PCDHA5: variants seen among roughly 807,000 people sequenced by gnomAD.
PCDHA5 encodes protocadherin alpha-5.
PCDHA5 carries 43 observed loss-of-function variants against 61.6 expected under a neutral mutation model. That is an observed-to-expected ratio of 0.70 (90% CI 0.55 to 0.90). The LOEUF is 0.90. PCDHA5 is among the 40% of genes least tolerant of loss of function. The pLI, the probability that PCDHA5 is intolerant of heterozygous loss-of-function variation, is 0.00. For missense variants in PCDHA5, 1,298 were observed against 1,222.7 expected, an observed-to-expected ratio of 1.06 and a Z score of -0.92; for synonymous variants, 627 against 543.9, an observed-to-expected ratio of 1.15 and a Z score of -2.13.
Position 141,009,792 on chromosome 5 carries a change from C to T in PCDHA5, c.2666C>T (p.Pro889Leu). Residue 889 changes from proline (P) to leucine (L), a missense_variant, in exon 4 of 4, where the codon CCT (proline) becomes CTT (leucine). Physicochemically the swap from Pro to Leu is moderately conservative, Grantham distance 98. Transcript: ENST00000529859. ...GCAATCATCTCCATCCGGCAGGAGC[C>T]TACTAACAGCCAAATTGACAAAAGT... ...SPAIISIRQEPTNSQIDKSDF... is the reference protein window; with the variant it reads ...SPAIISIRQELTNSQIDKSDF... 1 of 1,614,068 alleles carries T rather than the reference C, an allele frequency of 6.2e-7. No individual in the cohort carries two copies. The highest frequency in any genetic ancestry group is 8.5e-7 in the Non-Finnish European group (1 of 1,180,026).
At chr5:140,959,259 C>G (rs781794121) in intron 1 of PCDHA5, among the ~76,000 whole-genome samples, 1 of 152,040 alleles carries the variant, frequency 6.6e-6, no homozygotes, top group African/African-American at 2.4e-5. Context: ...TGACTGTAGT[C>G]CCAGCTACCC....
chr5:140,967,740 A>G, intron 1 of PCDHA5: 6 of 1,614,170 alleles, frequency 3.7e-6, no homozygotes, highest in Non-Finnish European at 5.1e-6. Flanking sequence ...GGGCTGGATT[A>G]TGAGGAAGCC....
At chr5:140,993,468 A>G (rs1327306188) in intron 3 of PCDHA5, among the ~76,000 whole-genome samples, 1 of 69,412 alleles carries the variant, frequency 1.4e-5, no homozygotes, top group African/African-American at 5.6e-5. Context: ...TTTCTCACAC[A>G]CACACACACA....
chr5:140,829,652 C>CA, intron 1 of PCDHA5: 1 of 1,612,488 alleles, frequency 6.2e-7, no homozygotes, highest in Non-Finnish European at 8.5e-7. Context: ...GTACGCGCTG[C>CA]AGCCGCTGGA....
chr5:140,842,539 G>C lies in PCDHA5; in HGVS notation c.2352+18412G>C, dbSNP rs182995378. Reference sequence around the variant, plus strand: ...TGTCCACCTTCAAGAATTACTACTCGTTGGTGCTGGACAGCGCCCTGGACC... The same window carrying C: ...TGTCCACCTTCAAGAATTACTACTCCTTGGTGCTGGACAGCGCCCTGGACC... On this transcript the variant is annotated intron_variant, in intron 1 of 3. Coordinates refer to ENST00000529859, the MANE Select transcript of PCDHA5 (RefSeq NM_018908.3). 2.7e-5 allele frequency: 43 copies of C among 1,610,552 alleles called. 1 individual carries two copies. In the East Asian group the frequency reaches 8.7e-4, roughly 33 times the overall value.
intron 1 of PCDHA5, among the ~76,000 whole-genome samples, chr5:140,914,901 G>A (rs2076874560): frequency 6.8e-6 from 1 of 147,044 alleles, no homozygotes; most frequent in African/African-American, 2.5e-5. Flanking sequence ...TTAACTTTGT[G>A]TTGTTTCTCT....
At chr5:140,866,463 T>C (rs1372484700) in intron 1 of PCDHA5, 1 of 152,128 alleles carries the variant, frequency 6.6e-6, no homozygotes, top group Non-Finnish European at 1.5e-5. Flanking sequence ...GCTGGGAAGC[T>C]CATAACAACT....
chr5:140,853,345 C>A, intron 1 of PCDHA5: 2 of 982,280 alleles, frequency 2.0e-6, no homozygotes, highest in Non-Finnish European at 2.5e-6. Context: ...CATTAGCAAA[C>A]ATGAACTCAC....
intron 1 of PCDHA5, chr5:140,875,493 A>T: frequency 6.2e-7 from 1 of 1,612,928 alleles, no homozygotes; most frequent in South Asian, 1.1e-5. Flanking sequence ...TCGGACCAAG[A>T]GGCCCGGGAT....
chr5:140,892,158 T>A (rs1442080527), intron 1 of PCDHA5, among the ~76,000 whole-genome samples: 2 of 152,242 alleles, frequency 1.3e-5, no homozygotes, highest in Non-Finnish European at 2.9e-5. Context: ...ATTTCTGATA[T>A]GTCCAGTAAC....
chr5:140,995,047 C>G (rs1174630120), intron 3 of PCDHA5, among the ~76,000 whole-genome samples: 2 of 152,158 alleles, frequency 1.3e-5, no homozygotes, highest in Admixed American at 1.3e-4. Context: ...CTTAACTCTA[C>G]TGAATTTTCA....
chr5:140,936,941 T>C (rs547536853), intron 1 of PCDHA5, among the ~76,000 whole-genome samples: 14 of 152,342 alleles, frequency 9.2e-5, no homozygotes, highest in Non-Finnish European at 1.3e-4. Flanking sequence ...GAAAATATCT[T>C]ATTTTGATCT....
At chr5:140,929,321 C>A (rs1554206981) in intron 1 of PCDHA5, 1 of 1,541,174 alleles carries the variant, frequency 6.5e-7, no homozygotes, top group Non-Finnish European at 8.8e-7. Flanking sequence ...AATGTCAATG[C>A]CATGGTAAGC....
intron 1 of PCDHA5, chr5:140,842,263 C>CTTA (rs1777840904): frequency 6.2e-7 from 1 of 1,610,966 alleles, no homozygotes; most frequent in Non-Finnish European, 8.5e-7. Context: ...AACAAGAAAA[C>CTTA]TTATACAAAA....
intron 1 of PCDHA5, chr5:140,861,489 T>C (rs1263329401): frequency 2.0e-6 from 1 of 487,812 alleles, no homozygotes; most frequent in Non-Finnish European, 4.2e-6. Flanking sequence ...TTTTGTGAGT[T>C]CTCTGATAGA....
At chr5:140,870,941 C>A in intron 1 of PCDHA5, 1 of 1,613,712 alleles carries the variant, frequency 6.2e-7, no homozygotes, top group Non-Finnish European at 8.5e-7. Context: ...TTGCAGCCGG[C>A]GGCGGGCGGC....
At chr5:140,839,060 G>C (rs1253852063) in intron 1 of PCDHA5, among the ~76,000 whole-genome samples, 1 of 151,930 alleles carries the variant, frequency 6.6e-6, no homozygotes, top group Admixed American at 6.6e-5. Context: ...TAAGGATAGA[G>C]GTATGCAAAG....
chr5:140,837,517 T>G (rs11420784), intron 1 of PCDHA5, among the ~76,000 whole-genome samples: 2 of 28,958 alleles, frequency 6.9e-5, no homozygotes, highest in African/African-American at 3.1e-4. Context: ...AGCAGTTTAC[T>G]TTTTTTGTAT....
In PCDHA5 at chr5:140,848,293, C is replaced by T. The variant is rs2150408206; in HGVS notation, c.2352+24166C>T. On this transcript the variant is annotated intron_variant, in intron 1 of 3. Transcript: ENST00000529859. ...TGAAATATGTACTTACACTTTGGGC[C>T]ACGTGATGTCACTCTTTGCCGCGAT... The T allele has an allele frequency of 2.0e-5, 13 of 642,032 alleles. 2 individuals are homozygous for T. The highest frequency in any genetic ancestry group is 3.2e-5 in the Non-Finnish European group (12 of 369,632). 39.8% of individuals were successfully genotyped at this position (642,032 alleles called of 1,614,324 possible).
Sources: allele counts gnomAD v4.1 joint callset (sites outside exome capture counted in the v4.1 genomes callset), GRCh38; gene constraint gnomAD v4.1.1; transcripts MANE v1.5; gene names NCBI Gene and HGNC (gene_info 2026-07-23, HGNC 2026-07-21).